ERAP1: variants seen among roughly 807,000 people sequenced by gnomAD.
ERAP1 encodes the protein endoplasmic reticulum aminopeptidase 1, also known as adipocyte-derived leucine aminopeptidase.
In ERAP1, 86 loss-of-function variants were observed where a neutral mutation model predicts 103.7. The observed-to-expected ratio is 0.83, with a 90% CI of 0.70 to 0.99. The LOEUF is 0.99. Ranked by LOEUF, ERAP1 falls within the 50% of genes least tolerant of loss-of-function variation. The pLI is 0.00. For missense variants in ERAP1, 1,009 were observed against 1,128.4 expected, an observed-to-expected ratio of 0.89 and a Z score of 1.52; for synonymous variants, 398 against 402.4, an observed-to-expected ratio of 0.99 and a Z score of 0.13.
At chr5:96,935,066 A>G in the ERAP1 span, 1 of 152,392 alleles carries the variant, frequency 6.6e-6, no homozygotes. Flanking sequence ...GCTGGAGGCA[A>G]TGGCGCGAGT....
At chr5:96,811,199 C>G (rs1277624859), upstream of ERAP1, among the ~76,000 whole-genome samples, 3 of 152,122 alleles carry the variant, frequency 2.0e-5, no homozygotes. Context: ...AGCAGGCTTG[C>G]TTAACAAAAG....
chr5:96,776,166 AC>A lies in ERAP1; in HGVS notation c.*229del. On this transcript the variant is annotated 3_prime_UTR_variant, in exon 19 of 19. Coordinates refer to ENST00000443439, the MANE Select transcript of ERAP1 (RefSeq NM_001040458.3). ...TTATTCTTCTGTGGCAGGGAACCCA[AC>A]ACTTGGGTTTACGTTGCAGGGCAAC... 6.7e-7 allele frequency: 1 copy of A among 1,503,374 alleles called. No individual in the cohort carries two copies. The highest frequency in any genetic ancestry group is 8.9e-7 in the Non-Finnish European group (1 of 1,125,912). 93.1% of individuals were successfully genotyped at this position (1,503,374 alleles called of 1,614,324 possible).
rs112717698 is a variant in ERAP1 at position 96,780,951 on chromosome 5, T to C, written c.2588+107A>G. 54 of 1,354,376 alleles carry C rather than the reference T, an allele frequency of 4.0e-5. No individual in the cohort carries two copies. The African/African-American group carries it at 5.9e-4, about 15-fold the overall frequency. 83.9% of individuals were successfully genotyped at this position (1,354,376 alleles called of 1,614,324 possible). On this transcript the variant is annotated intron_variant, in intron 17 of 18. Coordinates refer to ENST00000443439, the MANE Select transcript of ERAP1 (RefSeq NM_001040458.3). ...AGGTATTTCTACTGCCTATCTTCAA[T>C]CAAAAAGTACCTTTAGACTGTTACT...
At chr5:96,808,365 C>T (rs1778934814), upstream of ERAP1, among the ~76,000 whole-genome samples, 1 of 151,470 alleles carries the variant, frequency 6.6e-6, no homozygotes, top group East Asian at 1.9e-4. Context: ...GGACCGAAGC[C>T]AGGCAGGCGC....
intron 7 of ERAP1, 108 bp downstream of exon 7, chr5:96,793,292 G>T: frequency 1.2e-6 from 1 of 863,408 alleles, no homozygotes; most frequent in Non-Finnish European, 1.9e-6. Flanking sequence ...GAAGTTATCA[G>T]TGAAATATTT....
intron 19 of ERAP1, chr5:96,765,324 AGG>A: frequency 9.1e-7 from 1 of 1,103,622 alleles, no homozygotes; most frequent in Non-Finnish European, 1.3e-6. Flanking sequence ...GATAAAGTAA[AGG>A]TAAAAAAAAA....
chr5:96,818,226 C>T, the ERAP1 span, among the ~76,000 whole-genome samples: 2 of 152,252 alleles, frequency 1.3e-5, no homozygotes, highest in Non-Finnish European at 1.5e-5. Flanking sequence ...TTTGGAATGT[C>T]TCCAGGGGCT....
chr5:96,860,049 A>C, the ERAP1 span, among the ~76,000 whole-genome samples: 1 of 152,014 alleles, frequency 6.6e-6, no homozygotes, highest in Admixed American at 6.6e-5. Context: ...TCAATCTGTT[A>C]ATTTTATTTA....
intron 3 of ERAP1, among the ~76,000 whole-genome samples, chr5:96,797,896 TG>T (rs1184553824): frequency 6.6e-6 from 1 of 152,200 alleles, no homozygotes; most frequent in African/African-American, 2.4e-5. Context: ...TGCCAAGATG[TG>T]GCTGATCCAC....
chr5:96,839,703 A>G, the ERAP1 span, among the ~76,000 whole-genome samples: 1 of 152,218 alleles, frequency 6.6e-6, no homozygotes, highest in Admixed American at 6.5e-5. Context: ...AGGAGCAAAC[A>G]GATACACTGG....
chr5:96,762,207 A>C, exon 20 of ERAP1: 1 of 927,570 alleles, frequency 1.1e-6, no homozygotes, highest in Non-Finnish European at 1.7e-6. Flanking sequence ...AGTTATAGTT[A>C]AGTGATGGCA....
At chr5:96,793,551 G>C (rs371823358) in intron 6 of ERAP1, 38 bp from the exon 7 acceptor site, 127 of 1,467,284 alleles carry the variant, frequency 8.7e-5, no homozygotes, top group Admixed American at 6.7e-5. Context: ...AAGACACTCA[G>C]AAAGAAGTAT....
chr5:96,827,203 A>C, the ERAP1 span, among the ~76,000 whole-genome samples: 1 of 152,228 alleles, frequency 6.6e-6, no homozygotes, highest in South Asian at 2.1e-4. Flanking sequence ...AGGCAGGGGA[A>C]GTCAGTGTTG....
the ERAP1 span, chr5:96,892,587 A>C: frequency 1.0e-6 from 1 of 981,590 alleles, no homozygotes; most frequent in Non-Finnish European, 1.5e-6. Context: ...TAAACCTAAC[A>C]CAACGTCAAG....
chr5:96,878,333 A>T, the ERAP1 span, among the ~76,000 whole-genome samples: 1 of 152,176 alleles, frequency 6.6e-6, no homozygotes, highest in Non-Finnish European at 1.5e-5. Context: ...AGCAACCTTT[A>T]CACCAGTAGC....
intron 5 of ERAP1, among the ~76,000 whole-genome samples, chr5:96,794,519 C>T (rs1777130545): frequency 1.3e-5 from 2 of 152,142 alleles, no homozygotes; most frequent in African/African-American, 4.8e-5. Context: ...CATTTCTAAC[C>T]TTCTGATGAG....
At chr5:96,818,426 CTTTTT>C in the ERAP1 span, among the ~76,000 whole-genome samples, 1 of 147,906 alleles carries the variant, frequency 6.8e-6, no homozygotes. Context: ...AGGGAAGCCT[CTTTTT>C]TTTTTTTTTT....
the ERAP1 span, chr5:96,903,508 C>T: frequency 6.2e-7 from 1 of 1,613,942 alleles, no homozygotes; most frequent in Non-Finnish European, 8.5e-7. Context: ...CCACACACTT[C>T]TCAGACCTAA....
the ERAP1 span, among the ~76,000 whole-genome samples, chr5:96,819,219 C>T: frequency 1.1e-4 from 16 of 152,198 alleles, no homozygotes; most frequent in Non-Finnish European, 1.0e-4. Flanking sequence ...CCACCACACC[C>T]GGCTTGAACT....
Sources: gnomAD v4.1 joint callset for allele counts (sites outside exome capture counted in the v4.1 genomes callset) on GRCh38, gnomAD v4.1.1 for gene constraint, MANE v1.5 for transcripts, NCBI Gene and HGNC (gene_info 2026-07-23, HGNC 2026-07-21) for gene names.